Variants in MFHAS1 observed in about 807,000 individuals in gnomAD.
MFHAS1 encodes the protein malignant fibrous histiocytoma-amplified sequence 1.
Under a neutral mutation model 70.4 loss-of-function variants are expected in MFHAS1, and 50 were observed. That is an observed-to-expected ratio of 0.71 (90% confidence interval 0.57 to 0.90). The LOEUF (loss-of-function observed/expected upper bound fraction) is 0.90, where lower values mean the gene tolerates loss of function less well. Among genes scored for constraint, MFHAS1 ranks in the 40% least tolerant of loss-of-function variants. The pLI is 0.00. For synonymous variants in MFHAS1, 952 were observed against 620.0 expected (o/e 1.54, Z -7.96); for missense variants, 1,795 against 1,347.6 (o/e 1.33, Z -5.20).
intron 1 of MFHAS1, among the ~76,000 whole-genome samples, chr8:8,859,678 C>T (rs1036437893): frequency 3.3e-5 from 5 of 152,150 alleles, no homozygotes; most frequent in African/African-American, 1.2e-4. Context: ...TTCTCAGTAA[C>T]ATTTTCTTTG....
At chr8:8,809,723 G>T (rs1006013422) in intron 1 of MFHAS1, among the ~76,000 whole-genome samples, 4 of 152,128 alleles carry the variant, frequency 2.6e-5, no homozygotes, top group African/African-American at 9.7e-5. Context: ...AGAGGGGGAG[G>T]GGGAGGAGCA....
At chr8:8,861,980 A>G (rs1022287582) in intron 1 of MFHAS1, among the ~76,000 whole-genome samples, 2 of 152,238 alleles carry the variant, frequency 1.3e-5, no homozygotes, top group African/African-American at 4.8e-5. Flanking sequence ...GCAATTGTGG[A>G]AAAAGCTGTT....
At chr8:8,867,271 A>T (rs959824197) in intron 1 of MFHAS1, among the ~76,000 whole-genome samples, 1 of 152,116 alleles carries the variant, frequency 6.6e-6, no homozygotes, top group Non-Finnish European at 1.5e-5. Flanking sequence ...CACCATATAA[A>T]CTTTTTGTTA....
intron 2 of MFHAS1, among the ~76,000 whole-genome samples, chr8:8,794,331 T>G (rs1468707714): frequency 1.3e-5 from 2 of 152,178 alleles, no homozygotes; most frequent in Non-Finnish European, 2.9e-5. Flanking sequence ...GCCCAAGCTG[T>G]GTTGACTTAA....
rs536983391 is a variant in MFHAS1 at position 8,841,499 on chromosome 8, G to C, written c.2999-44008C>G. On this transcript the variant is annotated intron_variant, in intron 1 of 2. Transcript: ENST00000276282. ...AAAAAAAGACTTCTTTTTGTTGTTT[G>C]CTGGGAATGGATCCACCACATGTAA... Among the ~76,000 whole-genome samples the C allele has an allele frequency of 2.0e-5, 3 of 151,816 alleles. No homozygotes were observed. In the South Asian group the frequency reaches 6.2e-4, roughly 32 times the overall value.
chr8:8,832,062 G>GCACA (rs59984727), intron 1 of MFHAS1, among the ~76,000 whole-genome samples: 119 of 149,592 alleles, frequency 8.0e-4, no homozygotes, highest in African/African-American at 2.3e-3. Context: ...GCGCGCGCGC[G>GCACA]CACACACACA....
At chr8:8,820,957 A>C (rs951373417) in intron 1 of MFHAS1, among the ~76,000 whole-genome samples, 1 of 152,256 alleles carries the variant, frequency 6.6e-6, no homozygotes, top group African/African-American at 2.4e-5. Context: ...CTCTCAAGCA[A>C]GACCTGGCAA....
At chr8:8,819,920 A>C (rs1806891731) in intron 1 of MFHAS1, among the ~76,000 whole-genome samples, 2 of 151,454 alleles carry the variant, frequency 1.3e-5, no homozygotes, top group African/African-American at 4.9e-5. Flanking sequence ...CTGGTCTCAA[A>C]CTCCTGAGTT....
chr8:8,788,029 C>G (rs1232091506), intron 2 of MFHAS1, among the ~76,000 whole-genome samples: 1 of 152,204 alleles, frequency 6.6e-6, no homozygotes, highest in Non-Finnish European at 1.5e-5. Context: ...ATCTCAAGTA[C>G]GACTTCCTGG....
intron 1 of MFHAS1, among the ~76,000 whole-genome samples, chr8:8,845,398 G>A (rs1807994903): frequency 6.6e-6 from 1 of 152,186 alleles, no homozygotes; most frequent in African/African-American, 2.4e-5. Context: ...ATATCACAGA[G>A]CATACCGGGT....
At chr8:8,847,558 T>C (rs1808082088) in intron 1 of MFHAS1, among the ~76,000 whole-genome samples, 1 of 152,144 alleles carries the variant, frequency 6.6e-6, no homozygotes, top group South Asian at 2.1e-4. Flanking sequence ...AAAGACAGAA[T>C]GGAAATTCAT....
chr8:8,808,992 C>T (rs1017643190), intron 1 of MFHAS1, among the ~76,000 whole-genome samples: 4 of 152,104 alleles, frequency 2.6e-5, no homozygotes, highest in Non-Finnish European at 4.4e-5. Flanking sequence ...AAATTACCAC[C>T]GGAGCTCCAT....
chr8:8,788,213 C>T (rs1805617216), intron 2 of MFHAS1, among the ~76,000 whole-genome samples: 1 of 152,214 alleles, frequency 6.6e-6, no homozygotes, highest in African/African-American at 2.4e-5. Context: ...TTCTGGAGGG[C>T]AGGATTTGAT....
At chr8:8,786,766 GT>G (rs1285161716) in intron 2 of MFHAS1, among the ~76,000 whole-genome samples, 1 of 151,240 alleles carries the variant, frequency 6.6e-6, no homozygotes. Context: ...GGAAAAAGGA[GT>G]TACGATTCGT....
chr8:8,854,497 G>T (rs990259856), intron 1 of MFHAS1, among the ~76,000 whole-genome samples: 1 of 149,728 alleles, frequency 6.7e-6, no homozygotes, highest in Admixed American at 6.7e-5. Context: ...CTCCAGCCTG[G>T]GCAACAGAGC....
At chr8:8,817,454 TCA>T (rs1806789545) in intron 1 of MFHAS1, among the ~76,000 whole-genome samples, 1 of 152,362 alleles carries the variant, frequency 6.6e-6, no homozygotes, top group African/African-American at 2.4e-5. Context: ...TCATTCCTCC[TCA>T]CAGTGCTCTC....
intron 1 of MFHAS1, among the ~76,000 whole-genome samples, chr8:8,837,164 C>A (rs1807627830): frequency 6.6e-6 from 1 of 152,174 alleles, no homozygotes; most frequent in African/African-American, 2.4e-5. Flanking sequence ...GATGTTCATA[C>A]CACTGCAGTT....
intron 1 of MFHAS1, among the ~76,000 whole-genome samples, chr8:8,849,064 C>CATTTTT: frequency 1.3e-5 from 1 of 75,772 alleles, no homozygotes; most frequent in Non-Finnish European, 2.4e-5. Context: ...TCCTTTTTAC[C>CATTTTT]TTTTTTTTTT....
At chr8:8,883,573 T>C (rs1388135126) in intron 1 of MFHAS1, among the ~76,000 whole-genome samples, 2 of 151,676 alleles carry the variant, frequency 1.3e-5, no homozygotes, top group Non-Finnish European at 2.9e-5. Context: ...CTGGGCGTGG[T>C]GGTGCATGCC....
Sources: allele counts gnomAD v4.1 joint callset (sites outside exome capture counted in the v4.1 genomes callset), GRCh38; gene constraint gnomAD v4.1.1; transcripts MANE v1.5; gene names NCBI Gene and HGNC (gene_info 2026-07-23, HGNC 2026-07-21).